The following OAF variants were observed in gnomAD, a reference collection of about 807,000 sequenced individuals.
The protein encoded by OAF is out at first homolog.
A neutral mutation model predicts 22.5 loss-of-function variants in OAF; 13 were observed. The ratio of observed to expected loss-of-function variants is 0.58; its 90% CI spans 0.38 to 0.92. The LOEUF is 0.92. Among genes scored for constraint, OAF ranks in the 40% least tolerant of loss-of-function variants. The pLI is 0.00. For missense variants in OAF, 347 were observed against 381.8 expected, an observed-to-expected ratio of 0.91 and a Z score of 0.76; for synonymous variants, 175 against 170.5, an observed-to-expected ratio of 1.03 and a Z score of -0.21.
intron 1 of OAF, among the ~76,000 whole-genome samples, chr11:120,216,077 G>C (rs930994701): frequency 1.3e-5 from 2 of 152,294 alleles, no homozygotes; most frequent in East Asian, 1.9e-4. Flanking sequence ...GAAGGGACAA[G>C]GACCCATGGA....
chr11:120,229,131 T>C lies in OAF; in HGVS notation c.811T>C (p.Tyr271His). The C allele has an allele frequency of 6.8e-6, 11 of 1,611,562 alleles. No homozygotes were observed. Among genetic ancestry groups the C allele is most frequent in the Non-Finnish European group, 8.5e-6 (10 of 1,178,630 alleles). Residue 271 changes from tyrosine to histidine, a missense_variant, in exon 4 of 4, where the codon TAC becomes CAC. By Grantham distance (83) the Tyr-to-His change is moderately conservative. Coordinates refer to ENST00000328965, the MANE Select transcript of OAF (RefSeq NM_178507.4). ...RQLCLWDEDP[Y>H]PG Reference sequence around the variant, plus strand: ...GCTGTGTCTCTGGGATGAGGATCCCTACCCAGGCTAGGGTGGGAGCAACCT... The same window carrying C: ...GCTGTGTCTCTGGGATGAGGATCCCCACCCAGGCTAGGGTGGGAGCAACCT...
chr11:120,215,006 C>T (rs966320875), intron 1 of OAF, among the ~76,000 whole-genome samples: 2 of 152,210 alleles, frequency 1.3e-5, no homozygotes, highest in African/African-American at 4.8e-5. Context: ...CACACCCTAC[C>T]AGTGAAATCA....
intron 1 of OAF, among the ~76,000 whole-genome samples, chr11:120,224,202 C>T (rs1362886745): frequency 6.6e-6 from 1 of 152,190 alleles, no homozygotes; most frequent in Non-Finnish European, 1.5e-5. Context: ...CATACCTCAT[C>T]GTTCCAGAGA....
At chr11:120,213,108 C>G (rs1364249358) in intron 1 of OAF, among the ~76,000 whole-genome samples, 1 of 152,058 alleles carries the variant, frequency 6.6e-6, no homozygotes, top group Non-Finnish European at 1.5e-5. Context: ...CACTAGAATC[C>G]TGCAGAGAGA....
At chr11:120,228,820 T>TCCC in intron 3 of OAF, 48 bp from the exon 4 acceptor site, 1 of 631,066 alleles carries the variant, frequency 1.6e-6, no homozygotes, top group African/African-American at 1.8e-5. Flanking sequence ...GGGGAGCTCC[T>TCCC]TCCCTCCCTC....
At chr11:120,211,627 A>G in intron 1 of OAF, 117 bp downstream of exon 1, 1 of 614,472 alleles carries the variant, frequency 1.6e-6, no homozygotes, top group Non-Finnish European at 2.5e-6. Flanking sequence ...AGCTGGCCCA[A>G]GGTCACGCCG....
At chr11:120,222,568 A>C (rs1432205301) in intron 1 of OAF, among the ~76,000 whole-genome samples, 1 of 151,696 alleles carries the variant, frequency 6.6e-6, no homozygotes, top group Non-Finnish European at 1.5e-5. Flanking sequence ...AAAGAAAAAA[A>C]AAAAAACAAC....
At position 120,226,807 on chromosome 11, in the gene OAF, C is replaced by T. The variant is rs1244369530; in HGVS notation, c.367-9C>T. The T allele has an allele frequency of 1.9e-6, 3 of 1,583,504 alleles. No homozygotes were observed. The highest frequency in any genetic ancestry group is 1.7e-6 in the Non-Finnish European group (2 of 1,158,194). ...AGCCAGGTAGGAGTGACTTCTCTCC[C>T]ACACACAGAAAAATCCCCGGGCAGT... On this transcript the variant is annotated splice_polypyrimidine_tract_variant and intron_variant, in intron 2 of 3. Transcript: ENST00000328965.
rs1262486308 is a variant in OAF, at chr11:120,227,111, A to C, written c.547+115A>C. The C allele has an allele frequency of 1.8e-5, 12 of 658,264 alleles. No individual in the cohort carries two copies. In the South Asian group the frequency reaches 2.0e-4, roughly 11 times the overall value. The allele number at this position is 658,264 out of a possible 1,614,324, so 40.8% of individuals were successfully genotyped here. On this transcript the variant is annotated intron_variant, in intron 3 of 3. Coordinates refer to ENST00000328965, the MANE Select transcript of OAF (RefSeq NM_178507.4). Reference sequence around the variant, plus strand: ...ATTAGTTGAGTCTCATCATTAGCCAAGTCTCATCATTAGCCTTTCCTTTGT... The same window carrying C: ...ATTAGTTGAGTCTCATCATTAGCCACGTCTCATCATTAGCCTTTCCTTTGT...
Position 120,211,516 on chromosome 11 carries a change from G to T in OAF, c.231+6G>T. ...TCACCGCCGACTTCAAGAAGGTGAG[G>T]CGCCCTCACTCGCCGGGGTGGCACC... is the stretch of plus-strand genomic sequence containing the variant. On this transcript the variant is annotated splice_donor_region_variant and intron_variant, in intron 1 of 3. Coordinates refer to ENST00000328965, the MANE Select transcript of OAF (RefSeq NM_178507.4). 6.9e-7 allele frequency: 1 copy of T among 1,444,914 alleles called. No homozygotes were observed. The highest frequency in any genetic ancestry group is 9.2e-7 in the Non-Finnish European group (1 of 1,090,328). The allele number at this position is 1,444,914 out of a possible 1,614,324, so 89.5% of individuals were successfully genotyped here.
rs1565343385 is a variant in OAF, at chr11:120,225,641, A to G, written c.232-20A>G. ...GGTCCCACACCCTCCAGCCGTTCCC[A>G]TCCTCCTGCCCTTCTTCAGGATGTG... On this transcript the variant is annotated intron_variant, in intron 1 of 3. Transcript: ENST00000328965. The G allele has an allele frequency of 1.3e-6, 2 of 1,573,660 alleles. No homozygotes were observed. The highest frequency in any genetic ancestry group is 1.2e-5 in the South Asian group (1 of 86,358).
chr11:120,222,934 C>A (rs1050788716), intron 1 of OAF, among the ~76,000 whole-genome samples: 1 of 136,014 alleles, frequency 7.4e-6, no homozygotes, highest in Non-Finnish European at 1.6e-5. Context: ...AAACAAAAAA[C>A]AAAAAAAGAA....
intron 1 of OAF, among the ~76,000 whole-genome samples, chr11:120,213,140 C>G (rs1310950880): frequency 1.3e-5 from 2 of 151,984 alleles, no homozygotes; most frequent in African/African-American, 2.4e-5. Context: ...GTGGCCAGGA[C>G]AGTGAAAGGC....
Position 120,229,203 on chromosome 11 carries a change from G to A in OAF, c.*61G>A. 6.6e-7 allele frequency: 1 copy of A among 1,515,608 alleles called. No homozygotes were observed. Among genetic ancestry groups the A allele is most frequent in the Non-Finnish European group, 9.0e-7 (1 of 1,105,506 alleles). 93.9% of individuals were successfully genotyped at this position (1,515,608 alleles called of 1,614,324 possible). On this transcript the variant is annotated 3_prime_UTR_variant, in exon 4 of 4. Coordinates refer to ENST00000328965, the MANE Select transcript of OAF (RefSeq NM_178507.4). ...CACTGCTCTTCACCAGCCACTAGAG[G>A]GGGTGGCAACCCCCACCTGAGGCCT... is the stretch of plus-strand genomic sequence containing the variant.
At chr11:120,225,594 G>C in intron 1 of OAF, 67 bp from the exon 2 acceptor site, 1 of 1,442,054 alleles carries the variant, frequency 6.9e-7, no homozygotes, top group Admixed American at 2.6e-5. Context: ...GCCAAGCTGA[G>C]CACCCGGTGG....
At chr11:120,228,435 G>A (rs370946548) in intron 3 of OAF, among the ~76,000 whole-genome samples, 9 of 152,088 alleles carry the variant, frequency 5.9e-5, no homozygotes, top group Middle Eastern at 3.4e-3. Flanking sequence ...GTCTCCCCAC[G>A]CCTCTATCTC....
In OAF at chr11:120,229,546, T is replaced by G; in HGVS notation, c.*404T>G. On this transcript the variant is annotated 3_prime_UTR_variant, in exon 4 of 4. Coordinates refer to ENST00000328965, the MANE Select transcript of OAF (RefSeq NM_178507.4). The stretch of plus-strand genomic sequence containing the variant: ...ACCCACCTCCCCAGACACAACTCCC[T>G]TCCCCATGCACACATCTGGAAGGAG... 1 of 203,476 alleles carries G rather than the reference T, an allele frequency of 4.9e-6. No homozygotes were observed. The highest frequency in any genetic ancestry group is 1.0e-5 in the Non-Finnish European group (1 of 96,448). 12.6% of individuals were successfully genotyped at this position (203,476 alleles called of 1,614,324 possible).
intron 3 of OAF, among the ~76,000 whole-genome samples, chr11:120,228,661 A>G (rs1591361560): frequency 6.6e-6 from 1 of 152,102 alleles, no homozygotes; most frequent in African/African-American, 2.4e-5. Context: ...TTCCTATTTA[A>G]TCTGTTTCTC....
chr11:120,228,820 T>TCCCTCCC, intron 3 of OAF, 48 bp from the exon 4 acceptor site: 1 of 631,066 alleles, frequency 1.6e-6, no homozygotes, highest in East Asian at 3.0e-5. Context: ...GGGGAGCTCC[T>TCCCTCCC]TCCCTCCCTC....
Sources: gnomAD v4.1 joint callset for allele counts (sites outside exome capture counted in the v4.1 genomes callset) on GRCh38, gnomAD v4.1.1 for gene constraint, MANE v1.5 for transcripts, NCBI Gene and HGNC (gene_info 2026-07-23, HGNC 2026-07-21) for gene names.